Variants in SEMA5A observed in about 807,000 individuals in gnomAD.
SEMA5A encodes the protein semaphorin 5A, also known as semaphorin-5A.
In SEMA5A, 55 loss-of-function variants were observed where a neutral mutation model predicts 135.5. The observed-to-expected ratio is 0.41, with a 90% CI of 0.33 to 0.51. The LOEUF (loss-of-function observed/expected upper bound fraction) is 0.51, where lower values mean the gene tolerates loss of function less well. SEMA5A is among the 20% of genes least tolerant of loss of function. The probability of loss-of-function intolerance (pLI) is 0.37; values close to 1 mark genes in which losing one functional copy is unlikely to be tolerated. For synonymous variants in SEMA5A, 580 were observed against 546.5 expected (o/e 1.06, Z -0.85); for missense variants, 1,290 against 1,419.9 (o/e 0.91, Z 1.47).
chr5:9,484,777 G>A (rs544820850), intron 1 of SEMA5A, among the ~76,000 whole-genome samples: 8 of 152,206 alleles, frequency 5.3e-5, no homozygotes, highest in African/African-American at 1.9e-4. Context: ...GGATGGTATT[G>A]AATGGATCCA....
chr5:9,186,826 T>G (rs1744834109), intron 11 of SEMA5A, among the ~76,000 whole-genome samples: 1 of 152,250 alleles, frequency 6.6e-6, no homozygotes, highest in Non-Finnish European at 1.5e-5. Context: ...TCTAGAAATA[T>G]CTGAATTATT....
chr5:9,100,867 G>T (rs1739591165), intron 16 of SEMA5A, among the ~76,000 whole-genome samples: 1 of 151,980 alleles, frequency 6.6e-6, no homozygotes, highest in South Asian at 2.1e-4. Context: ...TTTCAGAAGT[G>T]CTACTCACAT....
intron 14 of SEMA5A, among the ~76,000 whole-genome samples, 192 bp downstream of exon 14, chr5:9,122,464 C>G (rs1172550263): frequency 6.6e-6 from 1 of 152,052 alleles, no homozygotes; most frequent in African/African-American, 2.4e-5. Flanking sequence ...TGTGAATAAG[C>G]GTAGATCTGT....
rs142687108 is a variant in SEMA5A, at chr5:9,140,281, C to A, written c.1482-3660G>T. On this transcript the variant is annotated intron_variant, in intron 12 of 22. Transcript: ENST00000382496. ...TGTAGAAAACACATAAAAATTTTCT[C>A]AATTCTCAAGACACGCAATTGATTT... Among the ~76,000 whole-genome samples the A allele has an allele frequency of 1.3e-4, 20 of 152,292 alleles. No individual in the cohort carries two copies. The East Asian group carries it at 3.7e-3, about 28-fold the overall frequency.
intron 3 of SEMA5A, among the ~76,000 whole-genome samples, chr5:9,371,383 C>T (rs1008330129): frequency 1.3e-5 from 2 of 152,088 alleles, no homozygotes; most frequent in African/African-American, 2.4e-5. Flanking sequence ...ACATTAAAGT[C>T]CAGTCTAAGT....
chr5:9,392,515 C>T (rs887650843), intron 2 of SEMA5A, among the ~76,000 whole-genome samples: 3 of 152,192 alleles, frequency 2.0e-5, no homozygotes, highest in African/African-American at 4.8e-5. Context: ...AATATATTGG[C>T]GAGCTCAATG....
chr5:9,472,679 C>T (rs938702364), intron 1 of SEMA5A, among the ~76,000 whole-genome samples: 5 of 152,054 alleles, frequency 3.3e-5, no homozygotes, highest in African/African-American at 1.2e-4. Flanking sequence ...CATAGATCTA[C>T]TTTTCTTCAT....
chr5:9,409,333 C>T (rs1421286468), intron 2 of SEMA5A, among the ~76,000 whole-genome samples: 1 of 152,206 alleles, frequency 6.6e-6, no homozygotes, highest in Non-Finnish European at 1.5e-5. Flanking sequence ...GGGATTCAGG[C>T]TTTACCTCTC....
At chr5:9,258,492 G>C (rs535839031) in intron 5 of SEMA5A, among the ~76,000 whole-genome samples, 1 of 151,864 alleles carries the variant, frequency 6.6e-6, no homozygotes, top group Non-Finnish European at 1.5e-5. Flanking sequence ...CAATGCACTG[G>C]CTCTCTCTCT....
chr5:9,535,172 C>T (rs1040120430), intron 1 of SEMA5A, among the ~76,000 whole-genome samples: 3 of 150,144 alleles, frequency 2.0e-5, no homozygotes, highest in East Asian at 1.9e-4. Context: ...CTGGAAACTC[C>T]GCAGGTGGGC....
chr5:9,447,777 G>A (rs1371645710), intron 1 of SEMA5A, among the ~76,000 whole-genome samples: 1 of 152,212 alleles, frequency 6.6e-6, no homozygotes, highest in Non-Finnish European at 1.5e-5. Context: ...TGTTTAGAGA[G>A]TTTACACATG....
chr5:9,273,297 T>C (rs1384909545), intron 5 of SEMA5A, among the ~76,000 whole-genome samples: 1 of 151,286 alleles, frequency 6.6e-6, no homozygotes, highest in East Asian at 1.9e-4. Flanking sequence ...AAAAAAGAAG[T>C]GAAAAGAAAT....
intron 15 of SEMA5A, among the ~76,000 whole-genome samples, chr5:9,109,054 T>A (rs1408280936): frequency 2.2e-5 from 2 of 89,964 alleles, no homozygotes; most frequent in Middle Eastern, 0.01. Flanking sequence ...TTTTTTTTTT[T>A]TTTTGAGACG....
intron 12 of SEMA5A, among the ~76,000 whole-genome samples, chr5:9,153,267 T>C (rs984425): frequency 0.8 from 121,504 of 152,072 alleles, 48,729 homozygotes; most frequent in East Asian, 0.94. Flanking sequence ...TTAAACAAGA[T>C]GCCTAAGAAC....
At chr5:9,400,552 G>A (rs1243462820) in intron 2 of SEMA5A, among the ~76,000 whole-genome samples, 1 of 47,198 alleles carries the variant, frequency 2.1e-5, no homozygotes, top group East Asian at 1.0e-3. Flanking sequence ...TGTCGCCCAG[G>A]CTGGAGTGCA....
intron 1 of SEMA5A, among the ~76,000 whole-genome samples, chr5:9,453,173 T>C (rs2126709426): frequency 6.6e-6 from 1 of 152,346 alleles, no homozygotes; most frequent in East Asian, 1.9e-4. Context: ...GACCTCATTA[T>C]CCAGAGATTA....
intron 3 of SEMA5A, among the ~76,000 whole-genome samples, chr5:9,373,378 A>G (rs1027935643): frequency 6.6e-6 from 1 of 152,192 alleles, no homozygotes; most frequent in Admixed American, 6.5e-5. Flanking sequence ...GGCAGCTGTT[A>G]AAACCCAAGT....
intron 3 of SEMA5A, among the ~76,000 whole-genome samples, chr5:9,356,689 G>C (rs1014964526): frequency 1.3e-5 from 2 of 152,136 alleles, no homozygotes; most frequent in Non-Finnish European, 2.9e-5. Context: ...TTCTTTCTTT[G>C]TTTGCAACCG....
chr5:9,312,921 G>T (rs983139247), intron 5 of SEMA5A, among the ~76,000 whole-genome samples: 3 of 152,160 alleles, frequency 2.0e-5, no homozygotes, highest in Non-Finnish European at 2.9e-5. Flanking sequence ...ACAGAGCTGA[G>T]CCGCCATGTG....
Sources: gnomAD v4.1 joint callset for allele counts (sites outside exome capture counted in the v4.1 genomes callset) on GRCh38, gnomAD v4.1.1 for gene constraint, MANE v1.5 for transcripts, NCBI Gene and HGNC (gene_info 2026-07-23, HGNC 2026-07-21) for gene names.